RUFY1: variants seen among roughly 807,000 people sequenced by gnomAD.
The protein encoded by RUFY1 is RUN and FYVE domain containing 1.
Under a neutral mutation model 94.6 loss-of-function variants are expected in RUFY1, and 54 were observed. The ratio of observed to expected loss-of-function variants is 0.57; its 90% CI spans 0.46 to 0.72. The LOEUF (loss-of-function observed/expected upper bound fraction) is 0.72, where lower values mean the gene tolerates loss of function less well. Among genes scored for constraint, RUFY1 ranks in the 30% least tolerant of loss-of-function variants. The pLI, the probability that RUFY1 is intolerant of heterozygous loss-of-function variation, is 0.00. For synonymous variants in RUFY1, 396 were observed against 347.3 expected (o/e 1.14, Z -1.56); for missense variants, 883 against 883.9 (o/e 1.00, Z 0.01).
intron 3 of RUFY1, among the ~76,000 whole-genome samples, chr5:179,566,006 A>G (rs1762805246): frequency 6.6e-6 from 1 of 152,072 alleles, no homozygotes; most frequent in South Asian, 2.1e-4. Flanking sequence ...TGGGTGTGGT[A>G]GCACGTGCCT....
At chr5:179,554,827 G>C (rs2127502607) in intron 1 of RUFY1, among the ~76,000 whole-genome samples, 1 of 152,156 alleles carries the variant, frequency 6.6e-6, no homozygotes, top group South Asian at 2.1e-4. Flanking sequence ...AATTAGATGG[G>C]CGTGGTGGCG....
intron 15 of RUFY1, chr5:179,602,283 G>T: frequency 2.9e-6 from 1 of 341,310 alleles, no homozygotes. Flanking sequence ...GAACAGATGG[G>T]CAATGAGAGG....
intron 1 of RUFY1, among the ~76,000 whole-genome samples, chr5:179,554,829 G>A (rs1439394357): frequency 4.6e-5 from 7 of 151,902 alleles, no homozygotes; most frequent in East Asian, 3.9e-4. Context: ...TTAGATGGGC[G>A]TGGTGGCGCA....
chr5:179,575,347 GTC>G (rs1219879830), intron 5 of RUFY1, among the ~76,000 whole-genome samples: 1 of 151,736 alleles, frequency 6.6e-6, no homozygotes, highest in Non-Finnish European at 1.5e-5. Flanking sequence ...CTCTCTCCTC[GTC>G]TGTCTGCTGT....
chr5:179,603,332 C>G (rs2127573266), intron 15 of RUFY1, among the ~76,000 whole-genome samples: 1 of 152,246 alleles, frequency 6.6e-6, no homozygotes, highest in South Asian at 2.1e-4. Context: ...TCTGCCCACT[C>G]CCAGATGCAG....
At chr5:179,585,302 A>G (rs373193476) in intron 7 of RUFY1, among the ~76,000 whole-genome samples, 5 of 151,872 alleles carry the variant, frequency 3.3e-5, no homozygotes, top group Non-Finnish European at 4.4e-5. Context: ...TAGGCCGGGC[A>G]CAGTGGTTCA....
At chr5:179,576,913 G>GT (rs1291174917) in intron 5 of RUFY1, among the ~76,000 whole-genome samples, 162 bp from the exon 6 acceptor site, 3 of 151,738 alleles carry the variant, frequency 2.0e-5, no homozygotes, top group Admixed American at 6.6e-5. Flanking sequence ...GTAGGGTTAG[G>GT]TTTTTTTGGT....
At chr5:179,576,295 G>T (rs768776371) in intron 5 of RUFY1, among the ~76,000 whole-genome samples, 2 of 152,026 alleles carry the variant, frequency 1.3e-5, no homozygotes, top group Non-Finnish European at 2.9e-5. Flanking sequence ...ATGTGTAAGG[G>T]GTCTTGGTTC....
chr5:179,587,294 C>A (rs1764681462), intron 8 of RUFY1, among the ~76,000 whole-genome samples: 1 of 152,012 alleles, frequency 6.6e-6, no homozygotes, highest in African/African-American at 2.4e-5. Context: ...GCTAAAGTGA[C>A]CCACCCACCT....
In RUFY1 at chr5:179,559,688, G is replaced by A. The variant is rs998922981; in HGVS notation, c.311-337G>A. ...TTCCTGTAGGTAGCGCCCTTCCATT[G>A]GTCAAAAATGGAACCGGGGTTGCGG... On this transcript the variant is annotated intron_variant, in intron 1 of 17. Transcript: ENST00000319449. 4.8e-6 allele frequency: 5 copies of A among 1,042,976 alleles called. No homozygotes were observed. The African/African-American group carries it at 8.5e-5, about 18-fold the overall frequency. 64.6% of individuals were successfully genotyped at this position (1,042,976 alleles called of 1,614,324 possible).
intron 2 of RUFY1, among the ~76,000 whole-genome samples, chr5:179,560,725 C>CAAAAAAA (rs68093858): frequency 8.6e-4 from 67 of 77,746 alleles, no homozygotes; most frequent in Non-Finnish European, 1.1e-3. Flanking sequence ...GACTCCGTCT[C>CAAAAAAA]AAAAAAAAAA....
intron 9 of RUFY1, 24 bp downstream of exon 9, chr5:179,589,671 GC>G: frequency 6.6e-7 from 1 of 1,518,062 alleles, no homozygotes; most frequent in East Asian, 2.3e-5. Context: ...CTACATTTGG[GC>G]AGCATGTTTC....
chr5:179,564,420 G>GTTTT (rs60186448), intron 3 of RUFY1, among the ~76,000 whole-genome samples: 2 of 123,658 alleles, frequency 1.6e-5, no homozygotes, highest in African/African-American at 3.0e-5. Flanking sequence ...GTGCCTGGCT[G>GTTTT]TTTTTTTTTT....
intron 2 of RUFY1, among the ~76,000 whole-genome samples, chr5:179,561,700 T>TTTTTTTTTTTTG (rs764059834): frequency 1.6e-4 from 15 of 95,580 alleles, no homozygotes; most frequent in Non-Finnish European, 2.7e-4. Context: ...TTTTTTTTTT[T>TTTTTTTTTTTTG]TTTGAAGAGT....
At chr5:179,569,202 T>C (rs1763043785) in intron 4 of RUFY1, 100 bp from the exon 5 acceptor site, 5 of 1,593,042 alleles carry the variant, frequency 3.1e-6, no homozygotes, top group Non-Finnish European at 4.3e-6. Flanking sequence ...CAGTATCTTC[T>C]GGCTCCAGGG....
intron 14 of RUFY1, 122 bp downstream of exon 14, chr5:179,598,943 G>A: frequency 9.1e-7 from 1 of 1,100,220 alleles, no homozygotes; most frequent in South Asian, 1.5e-5. Context: ...CAGGGTGTGG[G>A]GAGGCTGTTA....
At chr5:179,573,963 C>A (rs1763421356) in intron 5 of RUFY1, among the ~76,000 whole-genome samples, 2 of 152,154 alleles carry the variant, frequency 1.3e-5, no homozygotes, top group Admixed American at 6.6e-5. Flanking sequence ...CCCTGAATTT[C>A]TAAAATAATC....
chr5:179,560,411 C>G (rs1762351408), intron 2 of RUFY1, among the ~76,000 whole-genome samples: 1 of 152,094 alleles, frequency 6.6e-6, no homozygotes, highest in African/African-American at 2.4e-5. Flanking sequence ...TTTCTGGTAG[C>G]CAGGTTACTT....
chr5:179,594,823 A>T (rs765083205), intron 11 of RUFY1, 43 bp from the exon 12 acceptor site: 9 of 1,167,382 alleles, frequency 7.7e-6, no homozygotes, highest in Admixed American at 1.7e-5. Context: ...AGGTGCAAGG[A>T]TGTGGGACAG....
Sources: gnomAD v4.1 joint callset for allele counts (sites outside exome capture counted in the v4.1 genomes callset) on GRCh38, gnomAD v4.1.1 for gene constraint, MANE v1.5 for transcripts, NCBI Gene and HGNC (gene_info 2026-07-23, HGNC 2026-07-21) for gene names.